MYO18B: variants seen among roughly 807,000 people sequenced by gnomAD.
MYO18B encodes the protein myosin XVIIIB, also known as unconventional myosin-XVIIIb.
MYO18B carries 204 observed loss-of-function variants against 273.0 expected under a neutral mutation model. That is an observed-to-expected ratio of 0.75 (90% CI 0.67 to 0.84). The LOEUF is 0.84. Ranked by LOEUF, MYO18B falls within the 40% of genes least tolerant of loss-of-function variation. MYO18B has a pLI of 0.00. For synonymous variants in MYO18B, 1,330 were observed against 1,305.7 expected (o/e 1.02, Z -0.40); for missense variants, 3,212 against 3,287.6 (o/e 0.98, Z 0.56).
rs1302086593 is a variant in MYO18B at position 25,798,060 on chromosome 22, A to C, written c.2484A>C (p.Ala828=). The stretch of plus-strand genomic sequence containing the variant: ...AGCGGGCTGTTTGGCGGGTCCTGGC[A>C]GCCATCTACCACCTGGGTGCGGCGG... ...SEQRAVWRVL[A]AIYHLGAAGA... Residue 828 remains alanine (A), a synonymous_variant, in exon 12 of 44, where the codon GCA becomes GCC. Coordinates refer to ENST00000335473, the MANE Select transcript of MYO18B (RefSeq NM_032608.7). 3 of 1,611,598 alleles carry C rather than the reference A, an allele frequency of 1.9e-6. No individual in the cohort carries two copies. The African/African-American group carries it at 4.0e-5, about 22-fold the overall frequency.
At chr22:25,761,832 ACT>A (rs1178834033) in intron 2 of MYO18B, among the ~76,000 whole-genome samples, 1 of 151,936 alleles carries the variant, frequency 6.6e-6, no homozygotes, top group Non-Finnish European at 1.5e-5. Flanking sequence ...GTGCCTTAAG[ACT>A]GTCTCTTGGC....
chr22:25,765,028 A>G (rs974055583), intron 3 of MYO18B, among the ~76,000 whole-genome samples: 4 of 152,290 alleles, frequency 2.6e-5, no homozygotes, highest in Admixed American at 6.5e-5. Context: ...GGTGCCACAG[A>G]GACCTGGGGG....
chr22:26,004,248 CA>C (rs1199792795), intron 41 of MYO18B, among the ~76,000 whole-genome samples: 1 of 148,928 alleles, frequency 6.7e-6, no homozygotes, highest in Non-Finnish European at 1.5e-5. Flanking sequence ...CTTTCAGAAT[CA>C]GGGGACATAA....
chr22:25,909,546 C>T (rs535573836), intron 32 of MYO18B, among the ~76,000 whole-genome samples: 1 of 152,170 alleles, frequency 6.6e-6, no homozygotes, highest in Admixed American at 6.5e-5. Context: ...AGTCCCTGCC[C>T]ATATTCCTTC....
chr22:25,791,706 G>A (rs752470787), intron 11 of MYO18B, among the ~76,000 whole-genome samples: 10 of 152,042 alleles, frequency 6.6e-5, no homozygotes, highest in Non-Finnish European at 7.3e-5. Flanking sequence ...GCCTTGGCCC[G>A]AGGCACATTT....
intron 31 of MYO18B, among the ~76,000 whole-genome samples, chr22:25,904,211 A>G (rs1031331107): frequency 6.6e-6 from 1 of 152,190 alleles, no homozygotes; most frequent in Admixed American, 6.5e-5. Flanking sequence ...TCATGAAGTC[A>G]GATTGTTTTT....
At chr22:25,878,069 G>T in intron 25 of MYO18B, 21 bp downstream of exon 25, 1 of 1,545,538 alleles carries the variant, frequency 6.5e-7, no homozygotes, top group South Asian at 1.2e-5. Context: ...CCCTCCTCTT[G>T]GGTCCTTGTG....
intron 33 of MYO18B, among the ~76,000 whole-genome samples, chr22:25,914,167 A>G (rs1056099764): frequency 2.0e-5 from 3 of 151,834 alleles, no homozygotes; most frequent in African/African-American, 7.3e-5. Flanking sequence ...TTTCTCCACC[A>G]TATGGTCTTC....
intron 33 of MYO18B, among the ~76,000 whole-genome samples, chr22:25,916,677 A>G (rs1480191320): frequency 6.6e-6 from 1 of 152,182 alleles, no homozygotes; most frequent in Non-Finnish European, 1.5e-5. Context: ...AATGCATAAC[A>G]TCTTTTCTTT....
the MYO18B span, among the ~76,000 whole-genome samples, chr22:26,048,308 A>T: frequency 4.0e-3 from 616 of 152,344 alleles, 1 homozygote; most frequent in Non-Finnish European, 6.0e-3. Context: ...TATACTGAAG[A>T]GTCCCCAGAC....
chr22:25,769,437 G>C lies in MYO18B; in HGVS notation c.1512+9G>C, dbSNP rs779555475. ...GCAGAGACTCAGACCAGGTGAGGGG[G>C]CTGCGGCCCTGGGAGCGGGAAGCGG... On this transcript the variant is annotated intron_variant, in intron 4 of 43. Transcript: ENST00000335473. 1.3e-6 allele frequency: 2 copies of C among 1,510,758 alleles called. No homozygotes were observed. Among genetic ancestry groups the C allele is most frequent in the Non-Finnish European group, 1.8e-6 (2 of 1,129,542 alleles). The allele number at this position is 1,510,758 out of a possible 1,614,324, so 93.6% of individuals were successfully genotyped here. A position where few individuals can be genotyped will look rare whatever the true frequency, so the allele number is the denominator to read the frequency against.
chr22:25,984,208 G>A (rs2093177667), intron 39 of MYO18B, among the ~76,000 whole-genome samples: 1 of 152,178 alleles, frequency 6.6e-6, no homozygotes, highest in Non-Finnish European at 1.5e-5. Context: ...ATGAGGAACT[G>A]AAGGTAAGAA....
chr22:25,859,306 A>G (rs1397990515), intron 21 of MYO18B, among the ~76,000 whole-genome samples: 1 of 152,218 alleles, frequency 6.6e-6, no homozygotes, highest in East Asian at 1.9e-4. Context: ...TCTGACTATT[A>G]TGAAAAAGGA....
At chr22:25,997,960 C>CACACAA (rs1555985022) in intron 40 of MYO18B, among the ~76,000 whole-genome samples, 3 of 134,008 alleles carry the variant, frequency 2.2e-5, no homozygotes, top group South Asian at 2.3e-4. Flanking sequence ...CACACACAAA[C>CACACAA]ACACACACAC....
At chr22:25,991,531 T>C (rs1446978307) in intron 39 of MYO18B, among the ~76,000 whole-genome samples, 3 of 152,136 alleles carry the variant, frequency 2.0e-5, no homozygotes, top group Admixed American at 2.0e-4. Flanking sequence ...AATGTGTAGG[T>C]TGCAAATTAA....
Position 25,826,425 on chromosome 22 carries a change from A to G in MYO18B, c.2712A>G (p.Gly904=), listed in dbSNP as rs1282324677. 3 of 1,613,294 alleles carry G rather than the reference A, an allele frequency of 1.9e-6. No homozygotes were observed. The highest frequency in any genetic ancestry group is 2.7e-5 in the African/African-American group (2 of 74,888). Residue 904 remains glycine, a synonymous_variant, in exon 14 of 44, where the codon GGA becomes GGG. Coordinates refer to ENST00000335473, the MANE Select transcript of MYO18B (RefSeq NM_032608.7). Reference sequence around the variant, plus strand: ...CTTTCCCAGGGCTCAAGATGACAGGAGTGGACTGTGTGGAGGGGATGGCCT... The same window carrying G: ...CTTTCCCAGGGCTCAAGATGACAGGGGTGGACTGTGTGGAGGGGATGGCCT... The part of the protein sequence containing the change: ...EETSSGLKMT[G]VDCVEGMASG...
the MYO18B span, among the ~76,000 whole-genome samples, chr22:26,040,591 G>A: frequency 1.1e-4 from 16 of 152,298 alleles, no homozygotes; most frequent in African/African-American, 1.7e-4. Flanking sequence ...GTGGTGCAGC[G>A]AGCATTTTAG....
At chr22:25,919,555 A>G (rs2092310427) in intron 33 of MYO18B, among the ~76,000 whole-genome samples, 1 of 152,214 alleles carries the variant, frequency 6.6e-6, no homozygotes, top group African/African-American at 2.4e-5. Flanking sequence ...ACATTTGTAA[A>G]GGCAATAATA....
chr22:25,927,909 A>G (rs949328258), intron 34 of MYO18B, among the ~76,000 whole-genome samples: 1 of 152,190 alleles, frequency 6.6e-6, no homozygotes, highest in African/African-American at 2.4e-5. Context: ...TGGATTAGCT[A>G]AAGAGGAGGC....
Sources: gnomAD v4.1 joint callset for allele counts (sites outside exome capture counted in the v4.1 genomes callset) on GRCh38, gnomAD v4.1.1 for gene constraint, MANE v1.5 for transcripts, NCBI Gene and HGNC (gene_info 2026-07-23, HGNC 2026-07-21) for gene names.